Variants in MGMT observed in about 807,000 individuals in gnomAD.
MGMT encodes the protein O-6-methylguanine-DNA methyltransferase, also known as methylated-DNA--protein-cysteine methyltransferase.
Under a neutral mutation model 15.9 loss-of-function variants are expected in MGMT, and 14 were observed. The observed-to-expected ratio is 0.88, with a 90% CI of 0.58 to 1.37. The LOEUF (loss-of-function observed/expected upper bound fraction) is 1.37, where lower values mean the gene tolerates loss of function less well. MGMT is among the 40% of genes most tolerant of loss of function. MGMT has a pLI of 0.00. For synonymous variants in MGMT, 130 were observed against 118.2 expected, an observed-to-expected ratio of 1.10 and a Z score of -0.65; for missense variants, 282 against 268.1, an observed-to-expected ratio of 1.05 and a Z score of -0.36.
At chr10:129,732,370 G>A (rs1461862134) in intron 3 of MGMT, among the ~76,000 whole-genome samples, 1 of 120,934 alleles carries the variant, frequency 8.3e-6, no homozygotes, top group African/African-American at 3.2e-5. Context: ...TGTTCTCATT[G>A]TTCAGTTCCC....
chr10:129,652,463 G>T (rs979148490), intron 2 of MGMT, among the ~76,000 whole-genome samples: 1 of 152,252 alleles, frequency 6.6e-6, no homozygotes, highest in African/African-American at 2.4e-5. Flanking sequence ...GAGGAGACTG[G>T]AGAGGGAACA....
intron 1 of MGMT, among the ~76,000 whole-genome samples, chr10:129,522,596 C>A (rs952372610): frequency 6.6e-6 from 1 of 152,226 alleles, no homozygotes; most frequent in African/African-American, 2.4e-5. Context: ...GACACAAAAA[C>A]CACACGTTCT....
At chr10:129,478,837 T>C (rs1845325150) in intron 1 of MGMT, among the ~76,000 whole-genome samples, 1 of 152,166 alleles carries the variant, frequency 6.6e-6, no homozygotes, top group Non-Finnish European at 1.5e-5. Context: ...CTATTTGAAG[T>C]GTGGATTTCA....
intron 3 of MGMT, among the ~76,000 whole-genome samples, chr10:129,752,079 A>G (rs1004423647): frequency 3.9e-5 from 6 of 151,930 alleles, no homozygotes; most frequent in African/African-American, 1.2e-4. Flanking sequence ...ACCTAGTTCT[A>G]TTGATTATTG....
chr10:129,741,605 G>A (rs1015684126), intron 3 of MGMT, among the ~76,000 whole-genome samples: 1 of 152,110 alleles, frequency 6.6e-6, no homozygotes, highest in East Asian at 1.9e-4. Flanking sequence ...TTTGGGGAGA[G>A]GGAGGCGGTT....
intron 1 of MGMT, among the ~76,000 whole-genome samples, chr10:129,496,476 A>C (rs1285368389): frequency 3.9e-5 from 6 of 152,236 alleles, no homozygotes; most frequent in African/African-American, 1.4e-4. Flanking sequence ...TAGTTATCCT[A>C]GCGGTGCTTG....
At position 129,768,088 on chromosome 10, in the gene MGMT, C is replaced by CA. The variant is rs1267663772; in HGVS notation, c.*1092dup. ...ACTAGAGCGCCATGTTCTTACCCAGCATTCCTTGCCACGGTGTGAACCACA... is the reference window on the plus strand; with the variant it reads ...ACTAGAGCGCCATGTTCTTACCCAGCAATTCCTTGCCACGGTGTGAACCACA... On this transcript the variant is annotated 3_prime_UTR_variant, in exon 5 of 5. Transcript: ENST00000651593. 1 of 152,272 alleles carries CA rather than the reference C, an allele frequency of 6.6e-6. No homozygotes were observed. Among genetic ancestry groups the CA allele is most frequent in the Non-Finnish European group, 1.5e-5 (1 of 68,052 alleles). The allele number at this position is 152,272 out of a possible 1,614,324, so 9.4% of individuals were successfully genotyped here.
chr10:129,603,219 G>A lies in MGMT; in HGVS notation c.125+66842G>A, dbSNP rs538014589. On this transcript the variant is annotated intron_variant, in intron 2 of 4. Coordinates refer to ENST00000651593, the MANE Select transcript of MGMT (RefSeq NM_002412.5). Reference sequence around the variant, plus strand: ...CTGGCTTTTTGTCTGACACAAAGCTGTATAAAAAACTGCTTCTGATTTTAT... The same window carrying A: ...CTGGCTTTTTGTCTGACACAAAGCTATATAAAAAACTGCTTCTGATTTTAT... 2.0e-5 allele frequency among the ~76,000 whole-genome samples: 3 copies of A among 152,272 alleles called. No homozygotes were observed. The East Asian group carries it at 5.8e-4, about 29-fold the overall frequency.
intron 2 of MGMT, among the ~76,000 whole-genome samples, chr10:129,671,949 G>A (rs958246988): frequency 3.3e-5 from 5 of 152,164 alleles, no homozygotes; most frequent in Admixed American, 2.0e-4. Flanking sequence ...ACAACAAAGA[G>A]TATTGTGTAT....
intron 2 of MGMT, among the ~76,000 whole-genome samples, chr10:129,623,346 G>GGT (rs1422026760): frequency 6.6e-6 from 1 of 152,082 alleles, no homozygotes; most frequent in Non-Finnish European, 1.5e-5. Context: ...GATGCCAAGT[G>GGT]GTAGGAAGGA....
intron 3 of MGMT, among the ~76,000 whole-genome samples, chr10:129,751,063 C>T (rs1848746066): frequency 6.6e-6 from 1 of 151,982 alleles, no homozygotes; most frequent in Non-Finnish European, 1.5e-5. Flanking sequence ...ATGCTGGTCT[C>T]ATAAAACACT....
rs572464990 is a variant in MGMT at position 129,706,943 on chromosome 10, G to A, written c.126-952G>A. Among the ~76,000 whole-genome samples, 33 of 152,226 alleles carry A rather than the reference G, an allele frequency of 2.2e-4. 1 individual carries two copies. The South Asian group carries it at 6.6e-3, about 31-fold the overall frequency. On this transcript the variant is annotated intron_variant, in intron 2 of 4. Coordinates refer to ENST00000651593, the MANE Select transcript of MGMT (RefSeq NM_002412.5). ...CCAGAGGTACAGGTTCAAACTGCAG[G>A]AAATCAAAGGGAGGAGAGTGTCCAG... is the stretch of plus-strand genomic sequence containing the variant.
At chr10:129,738,346 A>C (rs1336523207) in intron 3 of MGMT, among the ~76,000 whole-genome samples, 10 of 152,190 alleles carry the variant, frequency 6.6e-5, no homozygotes, top group Non-Finnish European at 7.3e-5. Context: ...AATTTCTTTG[A>C]CTAGGAAAGG....
chr10:129,736,642 G>GT (rs1768405541), intron 3 of MGMT, among the ~76,000 whole-genome samples: 1 of 152,162 alleles, frequency 6.6e-6, no homozygotes, highest in African/African-American at 2.4e-5. Context: ...AGTTGATGCA[G>GT]TTTTTTCCTA....
Position 129,638,429 on chromosome 10 carries a change from C to CAAAAA in MGMT, c.126-69454_126-69450dup. ...GAAGTCCAAGAGAGGACCAAAGAGG[C>CAAAAA]AAAAAAAAAAAAAAAAGAAAAAAAA... is the stretch of plus-strand genomic sequence containing the variant. On this transcript the variant is annotated intron_variant, in intron 2 of 4. Coordinates refer to ENST00000651593, the MANE Select transcript of MGMT (RefSeq NM_002412.5). Among the ~76,000 whole-genome samples, 347 of 61,702 alleles carry CAAAAA rather than the reference C, an allele frequency of 5.6e-3. 4 individuals carry two copies. The highest frequency in any genetic ancestry group is 0.029 in the Middle Eastern group (2 of 70). 40.5% of individuals were successfully genotyped at this position (61,702 alleles called of 152,430 possible).
At chr10:129,622,829 AG>A (rs546276016) in intron 2 of MGMT, among the ~76,000 whole-genome samples, 83 of 151,770 alleles carry the variant, frequency 5.5e-4, no homozygotes, top group South Asian at 1.9e-3. Flanking sequence ...TAGTGAGTTG[AG>A]GGGCTTCGTC....
chr10:129,664,689 C>CTAGA (rs1336266712), intron 2 of MGMT, among the ~76,000 whole-genome samples: 1 of 151,958 alleles, frequency 6.6e-6, no homozygotes, highest in Non-Finnish European at 1.5e-5. Context: ...CAAAAGGAGC[C>CTAGA]TAGAACAAGA....
intron 3 of MGMT, 48 bp downstream of exon 3, chr10:129,708,091 A>G: frequency 6.4e-7 from 1 of 1,565,974 alleles, no homozygotes; most frequent in South Asian, 1.2e-5. Context: ...AGCTTGACTT[A>G]TTAACGATCG....
chr10:129,470,730 G>A (rs34279654), intron 1 of MGMT, among the ~76,000 whole-genome samples: 4,733 of 152,278 alleles, frequency 0.031, 194 homozygotes, highest in African/African-American at 0.087. Context: ...GCTCTGAATG[G>A]TGAAACTTGG....
Sources: gnomAD v4.1 joint callset for allele counts (sites outside exome capture counted in the v4.1 genomes callset) on GRCh38, gnomAD v4.1.1 for gene constraint, MANE v1.5 for transcripts, NCBI Gene and HGNC (gene_info 2026-07-23, HGNC 2026-07-21) for gene names.